ITGB4: variants seen among roughly 807,000 people sequenced by gnomAD.
ITGB4 encodes integrin subunit beta 4, also known as integrin beta-4.
ITGB4 carries 159 observed loss-of-function variants against 207.6 expected under a neutral mutation model. That is an observed-to-expected ratio of 0.77 (90% CI 0.67 to 0.87). The LOEUF is 0.87. ITGB4 is among the 40% of genes least tolerant of loss of function. The pLI is 0.00. For synonymous variants in ITGB4, 1,020 were observed against 1,062.7 expected, an observed-to-expected ratio of 0.96 and a Z score of 0.78; for missense variants, 2,278 against 2,546.8, an observed-to-expected ratio of 0.89 and a Z score of 2.27.
intron 26 of ITGB4, among the ~76,000 whole-genome samples, chr17:75,746,718 T>A (rs898379880): frequency 2.0e-5 from 3 of 151,340 alleles, no homozygotes; most frequent in African/African-American, 7.3e-5. Flanking sequence ...GGCGGGCAGA[T>A]CGCTTGAGAT....
intron 30 of ITGB4, 130 bp downstream of exon 30, chr17:75,751,241 C>T: frequency 9.0e-7 from 1 of 1,115,386 alleles, no homozygotes; most frequent in Non-Finnish European, 1.3e-6. Flanking sequence ...TCATCCTGGT[C>T]AGCGGATAAG....
At chr17:75,755,680 A>G in intron 34 of ITGB4, 21 bp from the exon 35 acceptor site, 2 of 1,612,326 alleles carry the variant, frequency 1.2e-6, no homozygotes, top group Non-Finnish European at 1.7e-6. Context: ...TCTCTGGCTG[A>G]CTGCGGCCTC....
intron 2 of ITGB4, among the ~76,000 whole-genome samples, chr17:75,726,749 A>C (rs1470661762): frequency 6.6e-6 from 1 of 151,300 alleles, no homozygotes; most frequent in Non-Finnish European, 1.5e-5. Flanking sequence ...AGTAAAACAA[A>C]ATAAAAATAC....
intron 2 of ITGB4, among the ~76,000 whole-genome samples, chr17:75,726,386 A>T (rs994900053): frequency 5.9e-5 from 9 of 152,130 alleles, no homozygotes; most frequent in Admixed American, 5.9e-4. Flanking sequence ...TGATCATGCC[A>T]CTGCACTCCA....
intron 18 of ITGB4, among the ~76,000 whole-genome samples, chr17:75,738,396 CG>C (rs2061030014): frequency 6.6e-6 from 1 of 152,228 alleles, no homozygotes; most frequent in Non-Finnish European, 1.5e-5. Context: ...TCCATTTCCC[CG>C]CCCCCCATCA....
rs776738218 is a variant in ITGB4, at chr17:75,743,820, G to A, written c.3070G>A (p.Val1024Ile). Residue 1024 changes from valine to isoleucine, a missense_variant, in exon 26 of 40, where the codon GTC (valine) becomes ATC (isoleucine). Coordinates refer to ENST00000200181, the MANE Select transcript of ITGB4 (RefSeq NM_000213.5). Reference protein sequence around the residue: ...RRVLDGGKSQVSYRTQDGTAQ... With the variant: ...RRVLDGGKSQISYRTQDGTAQ... ...TGTCCTGGACGGCGGGAAGTCCCAG[G>A]TCTCCTACCGCACACAGGATGGCAC... is the stretch of plus-strand genomic sequence containing the variant. 2 of 1,609,158 alleles carry A rather than the reference G, an allele frequency of 1.2e-6. No individual in the cohort carries two copies. Among genetic ancestry groups the A allele is most frequent in the African/African-American group, 2.7e-5 (2 of 74,820 alleles).
In ITGB4 at chr17:75,729,118, T is replaced by G; in HGVS notation, c.567-147T>G. The stretch of plus-strand genomic sequence containing the variant: ...GGTTGCAGTGAGCCAAGATCGTGCA[T>G]ACCGCACACCAGCCTGGGTGATAAA... On this transcript the variant is annotated intron_variant, in intron 6 of 39. Transcript: ENST00000200181. This position sits in a 1 kb window ranked among gnomAD's most constrained non-coding sequence, Gnocchi z 4.4. 1 of 687,598 alleles carries G rather than the reference T, an allele frequency of 1.5e-6. No homozygotes were observed. Among genetic ancestry groups the G allele is most frequent in the South Asian group, 2.0e-5 (1 of 50,182 alleles). The allele number at this position is 687,598 out of a possible 1,614,324, so 42.6% of individuals were successfully genotyped here.
At chr17:75,730,998 T>C (rs1263426532) in intron 9 of ITGB4, 34 bp downstream of exon 9, 1 of 1,586,602 alleles carries the variant, frequency 6.3e-7, no homozygotes, top group East Asian at 2.2e-5. Flanking sequence ...GTCTGAGCCC[T>C]TCTGGGGCAG....
At position 75,752,373 on chromosome 17, in the gene ITGB4, G is replaced by C; in HGVS notation, c.3976+17G>C. Reference sequence around the variant, plus strand: ...CCATGTCCAGTGAGTGGTGGGCAGGGAGGTGAGGGGCAGACCGGGCAGGGG... The same window carrying C: ...CCATGTCCAGTGAGTGGTGGGCAGGCAGGTGAGGGGCAGACCGGGCAGGGG... On this transcript the variant is annotated intron_variant, in intron 31 of 39. Coordinates refer to ENST00000200181, the MANE Select transcript of ITGB4 (RefSeq NM_000213.5). The C allele has an allele frequency of 6.2e-7, 1 of 1,612,606 alleles. No homozygotes were observed. Among genetic ancestry groups the C allele is most frequent in the Non-Finnish European group, 8.5e-7 (1 of 1,179,732 alleles).
rs1253566692 is a variant in ITGB4, at chr17:75,749,037, G to A, written c.3308G>A (p.Arg1103Lys). ...GQPHSTTIII[R>K]DPDELDRSFT... is the part of the protein sequence containing the mutation. ...CCCCACTCCACCACCATCATCATCA[G>A]GGACCCAGGTAGGCAGAGCCTGGGG... The change falls in exon 27 of 40, where the codon AGG becomes AAG. Residue 1103 changes from arginine (R) to lysine (K), a missense_variant. Arg to Lys is a conservative substitution (Grantham distance 26). Coordinates refer to ENST00000200181, the MANE Select transcript of ITGB4 (RefSeq NM_000213.5). 6.2e-7 allele frequency: 1 copy of A among 1,610,704 alleles called. No individual in the cohort carries two copies. The highest frequency in any genetic ancestry group is 1.3e-5 in the African/African-American group (1 of 74,922).
In ITGB4 at chr17:75,743,766, C is replaced by G; in HGVS notation, c.3016C>G (p.Gln1006Glu). 1 of 1,613,532 alleles carries G rather than the reference C, an allele frequency of 6.2e-7. No individual in the cohort carries two copies. Among genetic ancestry groups the G allele is most frequent in the African/African-American group, 1.3e-5 (1 of 75,066 alleles). The stretch of plus-strand genomic sequence containing the variant: ...TGAGTTCTCGGTCAGCCGCGGGGAC[C>G]AGGTGGCCCGCATCCCTGTCATCCG... Reference protein sequence around the residue: ...QPEFSVSRGDQVARIPVIRRV... With the variant: ...QPEFSVSRGDEVARIPVIRRV... The change falls in exon 26 of 40, where the codon CAG (glutamine) becomes GAG (glutamate). Residue 1006 changes from glutamine to glutamate, a missense_variant. By Grantham distance (29) the Gln-to-Glu change is conservative (BLOSUM62 2). Coordinates refer to ENST00000200181, the MANE Select transcript of ITGB4 (RefSeq NM_000213.5).
chr17:75,739,103 C>A lies in ITGB4; in HGVS notation c.2221-569C>A, dbSNP rs2061047967. Among the ~76,000 whole-genome samples the A allele has an allele frequency of 6.6e-6, 1 of 151,978 alleles. No individual in the cohort carries two copies. The highest frequency in any genetic ancestry group is 6.6e-5 in the Admixed American group (1 of 15,256). On this transcript the variant is annotated intron_variant, in intron 18 of 39. Transcript: ENST00000200181. This position sits in a 1 kb window ranked among gnomAD's most constrained non-coding sequence, Gnocchi z 5.4. Reference sequence around the variant, plus strand: ...TTGAGGTCAGGAGTTGGAGACAAGCCCGGCCAATATGGTGACACCCCATCT... The same window carrying A: ...TTGAGGTCAGGAGTTGGAGACAAGCACGGCCAATATGGTGACACCCCATCT...
At chr17:75,747,207 G>C (rs1288881566) in intron 26 of ITGB4, among the ~76,000 whole-genome samples, 3 of 151,972 alleles carry the variant, frequency 2.0e-5, no homozygotes, top group Admixed American at 2.0e-4. Context: ...AGCCAGGCGT[G>C]GTGGCTCACA....
intron 5 of ITGB4, 115 bp from the exon 6 acceptor site, chr17:75,728,262 A>G: frequency 1.2e-6 from 1 of 812,048 alleles, no homozygotes; most frequent in Non-Finnish European, 2.1e-6. Flanking sequence ...TTTGTCCAGC[A>G]TGCAAAGCGT....
Position 75,739,837 on chromosome 17 carries a change from C to T in ITGB4, c.2255-43C>T, listed in dbSNP as rs533830008. On this transcript the variant is annotated intron_variant, in intron 19 of 39. Coordinates refer to ENST00000200181, the MANE Select transcript of ITGB4 (RefSeq NM_000213.5). This position sits in a 1 kb window ranked among gnomAD's most constrained non-coding sequence, Gnocchi z 5.4. ...TCCCACCTGAAGAGGTTGGGCTGTG[C>T]GGGTCTAGGGAGGGGTGCCGTGCTG... 20 of 1,610,622 alleles carry T rather than the reference C, an allele frequency of 1.2e-5. No individual in the cohort carries two copies. The highest frequency in any genetic ancestry group is 2.2e-5 in the East Asian group (1 of 44,852).
intron 26 of ITGB4, among the ~76,000 whole-genome samples, chr17:75,748,250 C>T (rs1034845289): frequency 4.0e-5 from 6 of 150,384 alleles, no homozygotes; most frequent in Non-Finnish European, 8.8e-5. Flanking sequence ...GTAGTCCCAG[C>T]TACTCAGGCG....
chr17:75,741,612 C>T (rs2061112208), intron 23 of ITGB4, among the ~76,000 whole-genome samples: 1 of 151,950 alleles, frequency 6.6e-6, no homozygotes, highest in Admixed American at 6.6e-5. Flanking sequence ...TTAAGACTAG[C>T]CAGGCCAACA....
rs578230616 is a variant in ITGB4, at chr17:75,723,857, G to A, written c.-10-837G>A. ...GCAGGCCTGGATGGCTCTGCCGCCA[G>A]CCTCTTTTCTTGTCCAGGCTTCAGG... On this transcript the variant is annotated intron_variant, in intron 1 of 39. Coordinates refer to ENST00000200181, the MANE Select transcript of ITGB4 (RefSeq NM_000213.5). 1.1e-3 allele frequency among the ~76,000 whole-genome samples: 165 copies of A among 152,384 alleles called. 2 individuals carry two copies. The South Asian group carries it at 0.017, about 16-fold the overall frequency.
Position 75,730,483 on chromosome 17 carries a change from C to G in ITGB4, c.981C>G (p.Asn327Lys). The G allele has an allele frequency of 6.2e-7, 1 of 1,613,938 alleles. No homozygotes were observed. The highest frequency in any genetic ancestry group is 8.5e-7 in the Non-Finnish European group (1 of 1,180,026). The part of the protein sequence containing the change: ...HNIIPIFAVT[N>K]YSYSYYEKLH... ...TCATCCCCATCTTTGCTGTCACCAA[C>G]TACTCCTATAGCTACTACGAGGTGC... Residue 327 changes from asparagine to lysine, a missense_variant, in exon 8 of 40, where the codon AAC (asparagine) becomes AAG (lysine). By Grantham distance (94) the Asn-to-Lys change is moderately conservative. Coordinates refer to ENST00000200181, the MANE Select transcript of ITGB4 (RefSeq NM_000213.5).
Sources: allele counts gnomAD v4.1 joint callset (sites outside exome capture counted in the v4.1 genomes callset), GRCh38; gene constraint gnomAD v4.1.1; non-coding constraint Gnocchi (gnomAD v3.1); transcripts MANE v1.5; gene names NCBI Gene and HGNC (gene_info 2026-07-23, HGNC 2026-07-21).